ADAM12: variants seen among roughly 807,000 people sequenced by gnomAD.
The protein encoded by ADAM12 is ADAM metallopeptidase domain 12, also known as disintegrin and metalloproteinase domain-containing protein 12.
ADAM12 carries 70 observed loss-of-function variants against 106.4 expected under a neutral mutation model. That is an observed-to-expected ratio of 0.66 (90% CI 0.54 to 0.80). The LOEUF is 0.80. Among genes scored for constraint, ADAM12 ranks in the 30% least tolerant of loss-of-function variants. The probability of loss-of-function intolerance (pLI) is 0.00; values close to 1 mark genes in which losing one functional copy is unlikely to be tolerated. For synonymous variants in ADAM12, 420 were observed against 433.5 expected, an observed-to-expected ratio of 0.97 and a Z score of 0.39; for missense variants, 1,010 against 1,171.9, an observed-to-expected ratio of 0.86 and a Z score of 2.02.
chr10:126,131,218 C>T (rs1469558570), intron 5 of ADAM12, among the ~76,000 whole-genome samples: 4 of 149,470 alleles, frequency 2.7e-5, no homozygotes, highest in Non-Finnish European at 5.9e-5. Context: ...TTTCCCTCAA[C>T]CTGGTCCAGG....
At chr10:126,026,757 G>A (rs1205156814) in intron 21 of ADAM12, among the ~76,000 whole-genome samples, 1 of 152,176 alleles carries the variant, frequency 6.6e-6, no homozygotes, top group Non-Finnish European at 1.5e-5. Context: ...GAATCTCTGA[G>A]AAGCAGCTAA....
chr10:126,179,539 C>A (rs569190901), intron 3 of ADAM12, among the ~76,000 whole-genome samples: 74 of 152,270 alleles, frequency 4.9e-4, no homozygotes, highest in Middle Eastern at 6.8e-3. Flanking sequence ...TGGGTCATAC[C>A]TTTTGGATGC....
intron 2 of ADAM12, among the ~76,000 whole-genome samples, chr10:126,309,814 G>A (rs1229287740): frequency 1.3e-5 from 2 of 152,142 alleles, no homozygotes; most frequent in Non-Finnish European, 2.9e-5. Context: ...CTTCAGCCTT[G>A]CAAAATATTA....
At chr10:126,132,396 A>C (rs1369149350) in intron 5 of ADAM12, among the ~76,000 whole-genome samples, 2 of 152,122 alleles carry the variant, frequency 1.3e-5, no homozygotes, top group African/African-American at 4.8e-5. Flanking sequence ...GAGGCACAAT[A>C]GTAAAGTGTG....
intron 5 of ADAM12, among the ~76,000 whole-genome samples, chr10:126,125,268 C>T (rs1187287425): frequency 1.8e-4 from 19 of 103,762 alleles, no homozygotes; most frequent in Admixed American, 6.1e-4. Flanking sequence ...TTTTTTGAAA[C>T]GGAGTCTCGC....
chr10:126,038,027 G>A (rs112113554), intron 20 of ADAM12, among the ~76,000 whole-genome samples: 5 of 152,266 alleles, frequency 3.3e-5, no homozygotes, highest in African/African-American at 4.8e-5. Context: ...CACTGAGTGC[G>A]CCAACAGGAT....
chr10:126,320,967 C>T (rs755881872), intron 2 of ADAM12, among the ~76,000 whole-genome samples: 1 of 152,072 alleles, frequency 6.6e-6, no homozygotes, highest in Non-Finnish European at 1.5e-5. Context: ...TTTAAAATCC[C>T]ATATGTCTGA....
At chr10:126,215,719 C>A (rs1413578941) in intron 3 of ADAM12, among the ~76,000 whole-genome samples, 2 of 152,054 alleles carry the variant, frequency 1.3e-5, no homozygotes, top group African/African-American at 4.8e-5. Flanking sequence ...CTGAAGCCTG[C>A]AATGAAAAAT....
At chr10:126,261,576 G>T (rs1959001963) in intron 3 of ADAM12, among the ~76,000 whole-genome samples, 2 of 152,228 alleles carry the variant, frequency 1.3e-5, no homozygotes, top group African/African-American at 4.8e-5. Flanking sequence ...TTTAGGCCTT[G>T]TGAAGGGCAG....
At position 126,134,497 on chromosome 10, in the gene ADAM12, G is replaced by A. The variant is rs780531100; in HGVS notation, c.416+1087C>T. Among the ~76,000 whole-genome samples the A allele has an allele frequency of 5.9e-5, 9 of 152,336 alleles. No individual in the cohort carries two copies. The South Asian group carries it at 1.0e-3, about 18-fold the overall frequency. On this transcript the variant is annotated intron_variant, in intron 5 of 22. Transcript: ENST00000448723. ...TGAGTGGGACTGGAACGGGATGAAC[G>A]AGGAAGAGGAATAGCTTTGTGTACT... is the stretch of plus-strand genomic sequence containing the variant.
intron 1 of ADAM12, 38 bp from the exon 2 acceptor site, chr10:126,330,547 G>A: frequency 1.3e-6 from 2 of 1,553,936 alleles, no homozygotes; most frequent in Non-Finnish European, 1.8e-6. Flanking sequence ...TTTCACTCTA[G>A]TCAGGAAGAG....
intron 21 of ADAM12, among the ~76,000 whole-genome samples, chr10:126,030,370 G>T (rs1953951881): frequency 6.6e-6 from 1 of 152,130 alleles, no homozygotes; most frequent in South Asian, 2.1e-4. Flanking sequence ...ACTTTTCATT[G>T]TATCCCAAAT....
intron 3 of ADAM12, among the ~76,000 whole-genome samples, chr10:126,207,938 T>G (rs1350070567): frequency 1.3e-5 from 2 of 152,232 alleles, no homozygotes; most frequent in East Asian, 3.8e-4. Flanking sequence ...CAGCCAGCCT[T>G]GCAAGGAACA....
At chr10:126,358,582 C>A (rs1448921293) in intron 1 of ADAM12, among the ~76,000 whole-genome samples, 1 of 152,136 alleles carries the variant, frequency 6.6e-6, no homozygotes, top group Non-Finnish European at 1.5e-5. Context: ...AGATCCGGAA[C>A]AAGACAAGAA....
intron 3 of ADAM12, among the ~76,000 whole-genome samples, chr10:126,179,084 T>C (rs1044512801): frequency 2.6e-5 from 4 of 151,334 alleles, no homozygotes; most frequent in African/African-American, 9.7e-5. Context: ...AAAAAGAAAA[T>C]ATCCACTCAA....
intron 13 of ADAM12, among the ~76,000 whole-genome samples, chr10:126,065,852 C>G (rs1954856740): frequency 2.0e-5 from 3 of 152,156 alleles, no homozygotes; most frequent in Admixed American, 1.3e-4. Context: ...CTTCCCCCTT[C>G]CCCCGACTCC....
chr10:126,278,948 C>A lies in ADAM12; in HGVS notation c.227G>T (p.Ser76Ile). 1 of 1,613,116 alleles carries A rather than the reference C, an allele frequency of 6.2e-7. No individual in the cohort carries two copies. Among genetic ancestry groups the A allele is most frequent in the Non-Finnish European group, 8.5e-7 (1 of 1,179,330 alleles). ...TTCCAGATTTATGATCAGTTCTTTG[C>A]TTTCCCGTTGTAGTCGAATATTCAG... ...EVLNIRLQRE[S>I]KELIINLERN... Residue 76 changes from serine (S) to isoleucine (I), a missense_variant, in exon 3 of 23, where the codon AGC becomes ATC. Around this residue, in one of 3 missense-constraint regions of ADAM12, gnomAD observed 391 missense variants for 442.9 expected, o/e 0.88. Coordinates refer to ENST00000448723, the MANE Select transcript of ADAM12 (RefSeq NM_001288973.2).
intron 21 of ADAM12, among the ~76,000 whole-genome samples, chr10:126,022,744 C>T (rs934079912): frequency 4.6e-5 from 7 of 152,204 alleles, no homozygotes; most frequent in South Asian, 2.1e-4. Flanking sequence ...TGCTCACACA[C>T]GATAAACATT....
intron 11 of ADAM12, among the ~76,000 whole-genome samples, chr10:126,075,586 G>T (rs1955084854): frequency 6.6e-6 from 1 of 152,204 alleles, no homozygotes; most frequent in South Asian, 2.1e-4. Context: ...GGTGTGTATT[G>T]AACTTTTAGG....
Sources: gnomAD v4.1 joint callset for allele counts (sites outside exome capture counted in the v4.1 genomes callset) on GRCh38, gnomAD v4.1.1 for gene constraint, gnomAD v4.1.1 regional missense constraint, MANE v1.5 for transcripts, NCBI Gene and HGNC (gene_info 2026-07-23, HGNC 2026-07-21) for gene names.